The following EIF2S3B variants were observed in gnomAD, a reference collection of about 807,000 sequenced individuals.
EIF2S3B encodes eukaryotic translation initiation factor 2 subunit 3B.
EIF2S3B carries 16 observed loss-of-function variants against 26.4 expected under a neutral mutation model. That is an observed-to-expected ratio of 0.61 (90% CI 0.41 to 0.92). EIF2S3B has a LOEUF of 0.92. Ranked by LOEUF, EIF2S3B falls within the 40% of genes least tolerant of loss-of-function variation. EIF2S3B has a pLI of 0.00. For synonymous variants in EIF2S3B, 183 were observed against 204.4 expected (o/e 0.90, Z 0.89); for missense variants, 510 against 575.5 (o/e 0.89, Z 1.16).
chr12:10,507,279 A>G lies in EIF2S3B; in HGVS notation c.1377A>G (p.Ile459Met). The change falls in exon 1 of 1, where the codon ATA (isoleucine) becomes ATG (methionine). Residue 459 changes from isoleucine (I) to methionine (M), a missense_variant. Transcript: ENST00000538173. ...KHWRLIGWGQ[I>M]RRGVTIKPTV... The stretch of plus-strand genomic sequence containing the variant: ...GGCGTTTAATTGGTTGGGGTCAGAT[A>G]AGAAGAGGAGTGACAATCAAGCCAA... 1 of 1,613,612 alleles carries G rather than the reference A, an allele frequency of 6.2e-7. No individual in the cohort carries two copies. Among genetic ancestry groups the G allele is most frequent in the Non-Finnish European group, 8.5e-7 (1 of 1,179,500 alleles).
chr12:10,512,469 G>T (rs1864714204), downstream of EIF2S3B, among the ~76,000 whole-genome samples: 1 of 152,006 alleles, frequency 6.6e-6, no homozygotes, highest in Non-Finnish European at 1.5e-5. Flanking sequence ...CAATTCAACA[G>T]ATATTTCTAT....
At chr12:10,511,159 T>C (rs1025538778), downstream of EIF2S3B, among the ~76,000 whole-genome samples, 4 of 152,158 alleles carry the variant, frequency 2.6e-5, no homozygotes, top group African/African-American at 9.7e-5. Context: ...TTGTACTAGA[T>C]GGTAAAATGG....
In EIF2S3B at chr12:10,507,984, T is replaced by A. The variant is rs565218722; in HGVS notation, c.*663T>A. Among the ~76,000 whole-genome samples, 6 of 152,264 alleles carry A rather than the reference T, an allele frequency of 3.9e-5. No individual in the cohort carries two copies. The highest frequency in any genetic ancestry group is 2.9e-5 in the Non-Finnish European group (2 of 68,022). ...CTGTTCGAAATAAAGTTTTTTTTTG[T>A]TTTTCATGATTCGTCTTTGAGTACC... On this transcript the variant is annotated 3_prime_UTR_variant, in exon 1 of 1. Coordinates refer to ENST00000538173, the MANE Select transcript of EIF2S3B (RefSeq NM_001357734.3).
chr12:10,507,459 T>TTC lies in EIF2S3B; in HGVS notation c.*144_*145dup, dbSNP rs761947989. ...ACCTTAGTAGGTAACGGTAAGGTTA[T>TTC]TCTCTCTTTTTTTTTTTGGTTATGA... On this transcript the variant is annotated 3_prime_UTR_variant, in exon 1 of 1. Coordinates refer to ENST00000538173, the MANE Select transcript of EIF2S3B (RefSeq NM_001357734.3). 1 of 1,002,750 alleles carries TTC rather than the reference T, an allele frequency of 1.0e-6. No homozygotes were observed. The highest frequency in any genetic ancestry group is 2.5e-5 in the East Asian group (1 of 40,666). 62.1% of individuals were successfully genotyped at this position (1,002,750 alleles called of 1,614,324 possible). A position where few individuals can be genotyped will look rare whatever the true frequency, so the allele number is the denominator to read the frequency against.
chr12:10,515,601 C>T (rs1864746890), intron 1 of EIF2S3B, among the ~76,000 whole-genome samples: 1 of 151,928 alleles, frequency 6.6e-6, no homozygotes, highest in Non-Finnish European at 1.5e-5. Flanking sequence ...TCATGTTCTT[C>T]ACTCTATAAC....
chr12:10,515,826 G>A (rs1220583043), intron 1 of EIF2S3B, among the ~76,000 whole-genome samples: 1 of 151,128 alleles, frequency 6.6e-6, no homozygotes. Flanking sequence ...TATACTACAT[G>A]TATATATATG....
At chr12:10,517,478 T>C (rs4595633) in intron 1 of EIF2S3B, among the ~76,000 whole-genome samples, 25,256 of 152,098 alleles carry the variant, frequency 0.17, 2,178 homozygotes, top group African/African-American at 0.2. Context: ...CATTTTTTAT[T>C]GTGTCTATTT....
At chr12:10,522,862 C>T (rs1864847892) in exon 2 of EIF2S3B, 3 of 492,620 alleles carry the variant, frequency 6.1e-6, no homozygotes, top group Non-Finnish European at 1.1e-5. Context: ...TACAGCCAGC[C>T]CTACACCTGG....
At chr12:10,518,459 C>G (rs1454079002) in intron 1 of EIF2S3B, among the ~76,000 whole-genome samples, 4 of 152,022 alleles carry the variant, frequency 2.6e-5, no homozygotes, top group Admixed American at 6.6e-5. Context: ...CTTGGTAGAT[C>G]TTCCTCCATT....
chr12:10,506,649 C>CT lies in EIF2S3B; in HGVS notation c.750dup (p.Thr251TyrfsTer10), dbSNP rs1565526103. 3 of 1,613,634 alleles carry CT rather than the reference C, an allele frequency of 1.9e-6. No homozygotes were observed. The South Asian group carries it at 3.3e-5, about 18-fold the overall frequency. On this transcript the variant is annotated frameshift_variant, in exon 1 of 1. Transcript: ENST00000538173. LOFTEE classifies it high-confidence loss of function. The stretch of plus-strand genomic sequence containing the variant: ...AGAAAATTCCAGTACCCCCAAGAGA[C>CT]TTTACTTCAGAGCCCCGGCTTATTG...
At chr12:10,522,624 T>C (rs1450306275) in exon 2 of EIF2S3B, 4 of 695,244 alleles carry the variant, frequency 5.8e-6, no homozygotes, top group East Asian at 2.7e-5. Flanking sequence ...TCACCTTGAT[T>C]TGATTAAGGA....
rs768418187 is a variant in EIF2S3B at position 10,506,092 on chromosome 12, G to A, written c.190G>A (p.Val64Ile). 2.0e-4 allele frequency: 317 copies of A among 1,596,858 alleles called. No individual in the cohort carries two copies. The highest frequency in any genetic ancestry group is 2.6e-4 in the Non-Finnish European group (298 of 1,164,278). ...CACAGTCGTCAAAGCTATTTCTGGA[G>A]TTCACACCGTCAGGTTCAAAAATGA... The part of the protein sequence containing the change: ...KSTVVKAISG[V>I]HTVRFKNELE... The change falls in exon 1 of 1, where the codon GTT becomes ATT. Residue 64 changes from valine to isoleucine, a missense_variant. Physicochemically the swap from Val to Ile is conservative, Grantham distance 29. Coordinates refer to ENST00000538173, the MANE Select transcript of EIF2S3B (RefSeq NM_001357734.3).
rs747211840 is a variant in EIF2S3B, at chr12:10,506,373, G to C, written c.471G>C (p.Leu157=). 5 of 1,613,984 alleles carry C rather than the reference G, an allele frequency of 3.1e-6. No homozygotes were observed. The highest frequency in any genetic ancestry group is 4.2e-6 in the Non-Finnish European group (5 of 1,179,992). Residue 157 remains leucine (L), a synonymous_variant, in exon 1 of 1, where the codon CTG becomes CTC. Coordinates refer to ENST00000538173, the MANE Select transcript of EIF2S3B (RefSeq NM_001357734.3). ...CAGCAGTGATGGATGCAGCTCTTCT[G>C]TTGATAGCTGGTAATGAATCTTGCC... is the stretch of plus-strand genomic sequence containing the variant. ...NGAAVMDAAL[L]LIAGNESCPQ...
chr12:10,511,888 T>C (rs1353126197), downstream of EIF2S3B, among the ~76,000 whole-genome samples: 1 of 152,078 alleles, frequency 6.6e-6, no homozygotes, highest in Non-Finnish European at 1.5e-5. Context: ...ATGGCTCTGT[T>C]AAAAAAAATT....
rs181966313 is a variant in EIF2S3B, at chr12:10,516,452, T to C, written c.1309-6151T>C. On this transcript the variant is annotated intron_variant, in intron 1 of 1. Transcript: ENST00000322446. ...GCCCTCAGAATTAGAGCAAAATGAA[T>C]ATTTATTGTAGAGTTTAAGATTAAA... is the stretch of plus-strand genomic sequence containing the variant. Among the ~76,000 whole-genome samples the C allele has an allele frequency of 7.9e-4, 120 of 151,730 alleles. 1 individual carries two copies. Among genetic ancestry groups the C allele is most frequent in the Admixed American group, 2.0e-3 (31 of 15,192 alleles).
At chr12:10,513,043 T>A (rs1864720672), downstream of EIF2S3B, among the ~76,000 whole-genome samples, 1 of 152,210 alleles carries the variant, frequency 6.6e-6, no homozygotes, top group African/African-American at 2.4e-5. Context: ...ATTACATTTA[T>A]CTACTTGTAT....
chr12:10,519,331 T>C (rs1864803004), intron 1 of EIF2S3B, among the ~76,000 whole-genome samples: 1 of 151,894 alleles, frequency 6.6e-6, no homozygotes. Flanking sequence ...ACTGGATCCC[T>C]TCCTTACACC....
At chr12:10,509,841 A>G (rs1420119341), downstream of EIF2S3B, among the ~76,000 whole-genome samples, 5 of 151,996 alleles carry the variant, frequency 3.3e-5, no homozygotes, top group African/African-American at 9.7e-5. Context: ...TTATAAATAA[A>G]TTTATATTTA....
chr12:10,513,098 A>G (rs2137948418), downstream of EIF2S3B, among the ~76,000 whole-genome samples: 1 of 152,330 alleles, frequency 6.6e-6, no homozygotes, highest in South Asian at 2.1e-4. Flanking sequence ...AAATGTAACT[A>G]TCATACCGAA....
Sources: allele counts gnomAD v4.1 joint callset (sites outside exome capture counted in the v4.1 genomes callset), GRCh38; gene constraint gnomAD v4.1.1; transcripts MANE v1.5; gene names NCBI Gene and HGNC (gene_info 2026-07-23, HGNC 2026-07-21).